Variants in LINGO2 observed in about 807,000 individuals in gnomAD.
LINGO2 encodes the protein leucine rich repeat and Ig domain containing 2, also known as leucine-rich repeat and immunoglobulin-like domain-containing nogo receptor-interacting protein 2.
Under a neutral mutation model 30.6 loss-of-function variants are expected in LINGO2, and 14 were observed. That is an observed-to-expected ratio of 0.46 (90% CI 0.30 to 0.72). The LOEUF (loss-of-function observed/expected upper bound fraction) is 0.72. Ranked by LOEUF, LINGO2 falls within the 30% of genes least tolerant of loss-of-function variation. The probability of loss-of-function intolerance (pLI) is 0.07; values close to 1 mark genes in which losing one functional copy is unlikely to be tolerated. For synonymous variants in LINGO2, 317 were observed against 288.5 expected, an observed-to-expected ratio of 1.10 and a Z score of -1.00; for missense variants, 729 against 751.7, an observed-to-expected ratio of 0.97 and a Z score of 0.35.
At chr9:27,968,796 T>A (rs1362039590) in intron 5 of LINGO2, among the ~76,000 whole-genome samples, 1 of 151,778 alleles carries the variant, frequency 6.6e-6, no homozygotes. Context: ...AAGATAAGGC[T>A]CCTTTTCTTT....
chr9:28,660,464 G>A (rs1314396656), intron 1 of LINGO2, among the ~76,000 whole-genome samples: 1 of 152,134 alleles, frequency 6.6e-6, no homozygotes, highest in South Asian at 2.1e-4. Context: ...ATTCAAAGCT[G>A]TGGCTGAGTG....
At chr9:28,180,846 C>G (rs994208202) in intron 4 of LINGO2, among the ~76,000 whole-genome samples, 1 of 151,988 alleles carries the variant, frequency 6.6e-6, no homozygotes, top group African/African-American at 2.4e-5. Context: ...CACACACACA[C>G]AGAAAGAAAT....
the LINGO2 span, among the ~76,000 whole-genome samples, chr9:29,123,782 T>C: frequency 3.3e-5 from 5 of 152,104 alleles, no homozygotes; most frequent in Non-Finnish European, 7.4e-5. Context: ...ATTTATAAAA[T>C]TCAGAACAAA....
chr9:28,396,353 T>A (rs1259524627), intron 2 of LINGO2, among the ~76,000 whole-genome samples: 1 of 152,272 alleles, frequency 6.6e-6, no homozygotes, highest in African/African-American at 2.4e-5. Flanking sequence ...TTATTTTATT[T>A]ACTATTTTAT....
chr9:29,153,941 A>G, the LINGO2 span, among the ~76,000 whole-genome samples: 1 of 152,148 alleles, frequency 6.6e-6, no homozygotes, highest in African/African-American at 2.4e-5. Flanking sequence ...TCCCCATGAG[A>G]TCCAGATAGA....
At chr9:27,972,007 A>G (rs896343280) in intron 5 of LINGO2, among the ~76,000 whole-genome samples, 1 of 152,170 alleles carries the variant, frequency 6.6e-6, no homozygotes, top group African/African-American at 2.4e-5. Flanking sequence ...GTTAGTGCTC[A>G]TGTTTGTTTA....
intron 1 of LINGO2, among the ~76,000 whole-genome samples, chr9:28,500,667 A>T (rs1819846998): frequency 6.6e-6 from 1 of 152,134 alleles, no homozygotes; most frequent in South Asian, 2.1e-4. Flanking sequence ...TTCAATATTC[A>T]TCTGATAAAA....
intron 4 of LINGO2, among the ~76,000 whole-genome samples, chr9:28,231,894 C>A (rs1406571251): frequency 2.0e-5 from 3 of 151,540 alleles, no homozygotes; most frequent in African/African-American, 7.3e-5. Flanking sequence ...ACTTCCTATG[C>A]TTTATATATA....
the LINGO2 span, among the ~76,000 whole-genome samples, chr9:28,684,499 T>A: frequency 6.7e-6 from 1 of 150,254 alleles, no homozygotes; most frequent in Admixed American, 6.6e-5. Flanking sequence ...TTTTTTTTTT[T>A]TTTCTTTTTT....
intron 4 of LINGO2, among the ~76,000 whole-genome samples, chr9:28,108,961 G>A (rs1826684711): frequency 6.6e-6 from 1 of 151,442 alleles, no homozygotes; most frequent in African/African-American, 2.4e-5. Flanking sequence ...TAAAAAAAAG[G>A]AAAACCCTGA....
chr9:28,841,050 T>TA, the LINGO2 span, among the ~76,000 whole-genome samples: 1 of 151,914 alleles, frequency 6.6e-6, no homozygotes, highest in Non-Finnish European at 1.5e-5. Context: ...GGATATTCTA[T>TA]AAAAATCTTT....
intron 4 of LINGO2, among the ~76,000 whole-genome samples, chr9:28,014,110 A>G (rs1822699763): frequency 1.3e-5 from 2 of 152,172 alleles, no homozygotes; most frequent in African/African-American, 4.8e-5. Context: ...GTTACCACTC[A>G]GAAATTATGG....
the LINGO2 span, among the ~76,000 whole-genome samples, chr9:28,831,387 C>T: frequency 0.015 from 2,302 of 151,984 alleles, 50 homozygotes; most frequent in African/African-American, 0.051. Context: ...GTAAACACAC[C>T]CATGCAAGGA....
At chr9:28,386,895 C>T (rs1007496404) in intron 2 of LINGO2, among the ~76,000 whole-genome samples, 1 of 152,098 alleles carries the variant, frequency 6.6e-6, no homozygotes, top group Admixed American at 6.6e-5. Context: ...TACATTATTT[C>T]TAATTTTTTA....
rs1822510228 is a variant in LINGO2, at chr9:28,260,003, GC to G, written c.-87+35204del. Among the ~76,000 whole-genome samples the G allele has an allele frequency of 4.0e-5, 6 of 151,684 alleles. No homozygotes were observed. In the South Asian group the frequency reaches 1.2e-3, roughly 32 times the overall value. ...GTTTTCAGGATGTCAGCAATATTGT[GC>G]CCCATGGACAACCCATTTTTAAGAT... On this transcript the variant is annotated intron_variant, in intron 4 of 5. Transcript: ENST00000379992.
intron 1 of LINGO2, among the ~76,000 whole-genome samples, chr9:28,561,461 G>C (rs1195179585): frequency 6.6e-6 from 1 of 150,792 alleles, no homozygotes; most frequent in Non-Finnish European, 1.5e-5. Context: ...TTTACCTCAG[G>C]AGATTTGTCC....
chr9:29,063,563 G>A, the LINGO2 span, among the ~76,000 whole-genome samples: 7 of 151,844 alleles, frequency 4.6e-5, no homozygotes, highest in South Asian at 2.1e-4. Context: ...CATGCCCGGC[G>A]AATATCTGTA....
At chr9:28,503,419 GT>G (rs1819974184) in intron 1 of LINGO2, among the ~76,000 whole-genome samples, 1 of 151,960 alleles carries the variant, frequency 6.6e-6, no homozygotes, top group African/African-American at 2.4e-5. Flanking sequence ...TGGAACACAT[GT>G]TTAGCTATCA....
the LINGO2 span, among the ~76,000 whole-genome samples, chr9:29,071,595 T>C: frequency 6.7e-6 from 1 of 149,958 alleles, no homozygotes; most frequent in Non-Finnish European, 1.5e-5. Flanking sequence ...AACAGAACAA[T>C]TTAAGCACTG....
Sources: gnomAD v4.1 joint callset for allele counts (sites outside exome capture counted in the v4.1 genomes callset) on GRCh38, gnomAD v4.1.1 for gene constraint, MANE v1.5 for transcripts, NCBI Gene and HGNC (gene_info 2026-07-23, HGNC 2026-07-21) for gene names.